ZNF831: variants seen among roughly 807,000 people sequenced by gnomAD.
ZNF831 encodes the protein chromosome 20 open reading frame 174.
ZNF831 carries 59 observed loss-of-function variants against 95.8 expected under a neutral mutation model. The observed-to-expected ratio is 0.62, with a 90% CI of 0.50 to 0.77. The LOEUF is 0.77. Ranked by LOEUF, ZNF831 falls within the 30% of genes least tolerant of loss-of-function variation. The pLI is 0.00. For synonymous variants in ZNF831, 961 were observed against 925.5 expected (o/e 1.04, Z -0.70); for missense variants, 2,205 against 2,164.0 (o/e 1.02, Z -0.38).
chr20:59,191,799 T>C lies in ZNF831; in HGVS notation c.780T>C (p.Asp260=), dbSNP rs1271038103. 7 of 1,613,188 alleles carry C rather than the reference T, an allele frequency of 4.3e-6. No individual in the cohort carries two copies. Among genetic ancestry groups the C allele is most frequent in the South Asian group, 1.1e-5 (1 of 91,074 alleles). Reference sequence around the variant, plus strand: ...TGCCCCTACTTGCCAAGAACCTGGATGTGAGGACCGAAGCTGCTCCCTGTC... The same window carrying C: ...TGCCCCTACTTGCCAAGAACCTGGACGTGAGGACCGAAGCTGCTCCCTGTC... ...AHVPLLAKNL[D]VRTEAAPCPG... is the part of the protein sequence containing the mutation. The change falls in exon 2 of 6, where the codon GAT becomes GAC. Residue 260 remains aspartate (D), a synonymous_variant. Transcript: ENST00000371030.
rs564149155 is a variant in ZNF831 at position 59,238,941 on chromosome 20, C to G, written c.4028-14037C>G. On this transcript the variant is annotated intron_variant, in intron 4 of 5. Transcript: ENST00000371030. The stretch of plus-strand genomic sequence containing the variant: ...AGAGGTTCAGCAAGGAAAATGGTAG[C>G]TGTGTTTTCCTCTCTATGAGAGAAA... Among the ~76,000 whole-genome samples, 7 of 152,248 alleles carry G rather than the reference C, an allele frequency of 4.6e-5. No individual in the cohort carries two copies. The East Asian group carries it at 1.4e-3, about 29-fold the overall frequency.
chr20:59,128,800 C>A (rs1460159771), intron 1 of ZNF831, among the ~76,000 whole-genome samples: 4 of 152,170 alleles, frequency 2.6e-5, no homozygotes, highest in African/African-American at 7.2e-5. Context: ...CTCGCTCTGT[C>A]CCCCAGGCTG....
At chr20:59,202,292 A>G (rs1984586560) in intron 3 of ZNF831, among the ~76,000 whole-genome samples, 1 of 144,786 alleles carries the variant, frequency 6.9e-6, no homozygotes, top group Non-Finnish European at 1.5e-5. Flanking sequence ...TGATCATTTT[A>G]TAGTCTCTTG....
intron 1 of ZNF831, among the ~76,000 whole-genome samples, chr20:59,134,396 A>T (rs1979441561): frequency 6.6e-6 from 1 of 152,250 alleles, no homozygotes. Context: ...CCTGACATGT[A>T]GAACGTCATT....
chr20:59,126,021 A>C (rs928720011), intron 1 of ZNF831, among the ~76,000 whole-genome samples: 1 of 152,124 alleles, frequency 6.6e-6, no homozygotes, highest in African/African-American at 2.4e-5. Flanking sequence ...AAATCAATCC[A>C]TCAACAAAGA....
chr20:59,247,295 C>T (rs1266211100), intron 4 of ZNF831, among the ~76,000 whole-genome samples: 1 of 152,182 alleles, frequency 6.6e-6, no homozygotes, highest in African/African-American at 2.4e-5. Context: ...CGTGCTTTTT[C>T]TTTCATGCTA....
chr20:59,135,312 T>C (rs1256048036), intron 1 of ZNF831, among the ~76,000 whole-genome samples: 1 of 152,150 alleles, frequency 6.6e-6, no homozygotes, highest in African/African-American at 2.4e-5. Context: ...CAGAGCTGGG[T>C]GTGGCAACTC....
At chr20:59,136,086 C>T (rs1979501288) in intron 1 of ZNF831, among the ~76,000 whole-genome samples, 1 of 152,160 alleles carries the variant, frequency 6.6e-6, no homozygotes, top group Non-Finnish European at 1.5e-5. Context: ...GGACTGAGGT[C>T]CCTGTTTTCT....
intron 1 of ZNF831, among the ~76,000 whole-genome samples, chr20:59,133,459 T>C (rs1489373613): frequency 2.0e-5 from 3 of 152,218 alleles, no homozygotes; most frequent in Non-Finnish European, 4.4e-5. Flanking sequence ...TTTGTGATAA[T>C]TTAAAGCAAT....
intron 4 of ZNF831, among the ~76,000 whole-genome samples, chr20:59,222,748 C>G (rs1986174500): frequency 6.6e-6 from 1 of 152,198 alleles, no homozygotes; most frequent in Non-Finnish European, 1.5e-5. Flanking sequence ...CGCAGCACGG[C>G]CTGGAGTCCG....
chr20:59,253,862 C>CA lies in ZNF831; in HGVS notation c.4189-36_4189-35insA, dbSNP rs753749608. On this transcript the variant is annotated intron_variant, in intron 5 of 5. Coordinates refer to ENST00000371030, the MANE Select transcript of ZNF831 (RefSeq NM_178457.3). ...TTTTTCTTTGTACCAATTAACCTCC[C>CA]CCCCCACTTTTTTTTTCCTTTGCAC... is the stretch of plus-strand genomic sequence containing the variant. 19 of 1,070,924 alleles carry CA rather than the reference C, an allele frequency of 1.8e-5. 3 individuals carry two copies. The highest frequency in any genetic ancestry group is 1.0e-4 in the South Asian group (6 of 57,278). The allele number at this position is 1,070,924 out of a possible 1,614,324, so 66.3% of individuals were successfully genotyped here.
chr20:59,168,887 C>G (rs1981506120), intron 1 of ZNF831, among the ~76,000 whole-genome samples: 1 of 152,156 alleles, frequency 6.6e-6, no homozygotes, highest in South Asian at 2.1e-4. Flanking sequence ...GTGGATTATA[C>G]TGAATGCATT....
At chr20:59,143,814 T>C (rs1236427876) in intron 1 of ZNF831, among the ~76,000 whole-genome samples, 1 of 152,252 alleles carries the variant, frequency 6.6e-6, no homozygotes, top group Non-Finnish European at 1.5e-5. Flanking sequence ...GCCAAGGATT[T>C]CTTTAAAAGA....
At chr20:59,135,546 G>A (rs866170222) in intron 1 of ZNF831, among the ~76,000 whole-genome samples, 1 of 152,130 alleles carries the variant, frequency 6.6e-6, no homozygotes, top group Non-Finnish European at 1.5e-5. Context: ...CCTGGCTAAC[G>A]TGATGAAACC....
Position 59,194,169 on chromosome 20 carries a change from G to A in ZNF831, c.3150G>A (p.Glu1050=), listed in dbSNP as rs2146595160. The change falls in exon 2 of 6, where the codon GAG becomes GAA. Residue 1050 remains glutamate, a synonymous_variant. Coordinates refer to ENST00000371030, the MANE Select transcript of ZNF831 (RefSeq NM_178457.3). ...LPISAPGAPR[E]ATSSPPTPTC... is the part of the protein sequence containing the mutation. ...TCTCAGCACCAGGGGCTCCCAGGGA[G>A]GCTACCTCCTCCCCGCCCACTCCAA... The A allele has an allele frequency of 6.3e-7, 1 of 1,587,218 alleles. No individual in the cohort carries two copies. The highest frequency in any genetic ancestry group is 8.6e-7 in the Non-Finnish European group (1 of 1,165,370).
In ZNF831 at chr20:59,193,640, G is replaced by C. The variant is rs2146586801; in HGVS notation, c.2621G>C (p.Arg874Thr). The C allele has an allele frequency of 6.2e-7, 1 of 1,612,654 alleles. No individual in the cohort carries two copies. The highest frequency in any genetic ancestry group is 1.1e-5 in the South Asian group (1 of 91,070). ...CCAGGGGGCTCAAAGGAGAGTGCCAGGCAGGTGGGCGAGCCTCTGGAGTCC... is the reference window on the plus strand; with the variant it reads ...CCAGGGGGCTCAAAGGAGAGTGCCACGCAGGTGGGCGAGCCTCTGGAGTCC... ...EVPGGSKESA[R>T]QVGEPLESSG... is the part of the protein sequence containing the mutation. Residue 874 changes from arginine to threonine, a missense_variant, in exon 2 of 6, where the codon AGG becomes ACG. Coordinates refer to ENST00000371030, the MANE Select transcript of ZNF831 (RefSeq NM_178457.3).
intron 4 of ZNF831, among the ~76,000 whole-genome samples, chr20:59,243,861 A>ATT (rs1456646244): frequency 6.6e-6 from 1 of 152,214 alleles, no homozygotes; most frequent in Non-Finnish European, 1.5e-5. Flanking sequence ...TAGAGTTAAG[A>ATT]AAGTTTGAAA....
intron 1 of ZNF831, among the ~76,000 whole-genome samples, chr20:59,136,521 C>T (rs565134749): frequency 5.9e-5 from 9 of 152,104 alleles, no homozygotes; most frequent in Non-Finnish European, 1.3e-4. Flanking sequence ...GCTCAAGATA[C>T]CCTCTGACAC....
chr20:59,134,952 C>CT (rs1179534033), intron 1 of ZNF831, among the ~76,000 whole-genome samples: 1 of 152,146 alleles, frequency 6.6e-6, no homozygotes, highest in Non-Finnish European at 1.5e-5. Context: ...CCACTGGCCC[C>CT]TTCCCCTCCA....
Sources: gnomAD v4.1 joint callset for allele counts (sites outside exome capture counted in the v4.1 genomes callset) on GRCh38, gnomAD v4.1.1 for gene constraint, MANE v1.5 for transcripts, NCBI Gene and HGNC (gene_info 2026-07-23, HGNC 2026-07-21) for gene names.